Variants in CDH12 observed in about 807,000 individuals in gnomAD.
The protein encoded by CDH12 is cadherin-12.
In CDH12, 41 loss-of-function variants were observed where a neutral mutation model predicts 74.1. The ratio of observed to expected loss-of-function variants is 0.55; its 90% CI spans 0.43 to 0.72. The LOEUF (loss-of-function observed/expected upper bound fraction) is 0.72. CDH12 is among the 30% of genes least tolerant of loss of function. The pLI, the probability that CDH12 is intolerant of heterozygous loss-of-function variation, is 0.00. For missense variants in CDH12, 945 were observed against 977.2 expected (o/e 0.97, Z 0.44); for synonymous variants, 399 against 355.0 (o/e 1.12, Z -1.39).
intron 2 of CDH12, among the ~76,000 whole-genome samples, chr5:22,469,919 C>A (rs1421403256): frequency 6.6e-6 from 1 of 152,158 alleles, no homozygotes; most frequent in Non-Finnish European, 1.5e-5. Context: ...TTCCTCAAAG[C>A]CCTGCAATGT....
At chr5:22,467,901 C>T (rs1436717085) in intron 2 of CDH12, among the ~76,000 whole-genome samples, 8 of 152,182 alleles carry the variant, frequency 5.3e-5, no homozygotes, top group Admixed American at 5.2e-4. Flanking sequence ...CTAAACAAAT[C>T]ATCAAATCAT....
chr5:22,793,030 A>T (rs1201804051), intron 1 of CDH12, among the ~76,000 whole-genome samples: 2 of 152,190 alleles, frequency 1.3e-5, no homozygotes, highest in Admixed American at 1.3e-4. Context: ...GTACCCAGAA[A>T]TGACAAGACA....
chr5:22,342,856 G>A (rs1217460404), intron 3 of CDH12, among the ~76,000 whole-genome samples: 1 of 144,916 alleles, frequency 6.9e-6, no homozygotes, highest in Non-Finnish European at 1.5e-5. Context: ...CTGTCTGTCT[G>A]TCTGTCTGTC....
chr5:22,233,270 A>G (rs1163732702), intron 3 of CDH12, among the ~76,000 whole-genome samples: 4 of 151,784 alleles, frequency 2.6e-5, no homozygotes, highest in Non-Finnish European at 5.9e-5. Context: ...TTTTTCCAAA[A>G]TAAACTGATC....
At chr5:22,668,877 T>C (rs1740761482) in intron 1 of CDH12, among the ~76,000 whole-genome samples, 2 of 152,094 alleles carry the variant, frequency 1.3e-5, no homozygotes, top group Admixed American at 1.3e-4. Context: ...CTCTCCTCTT[T>C]TTTCAACTCC....
At chr5:22,376,339 G>A (rs949702621) in intron 3 of CDH12, among the ~76,000 whole-genome samples, 1 of 151,706 alleles carries the variant, frequency 6.6e-6, no homozygotes, top group Non-Finnish European at 1.5e-5. Context: ...ACTGATTATT[G>A]GGTGCAAACA....
intron 1 of CDH12, among the ~76,000 whole-genome samples, chr5:22,671,299 G>T (rs1740886520): frequency 6.6e-6 from 1 of 152,016 alleles, no homozygotes; most frequent in African/African-American, 2.4e-5. Context: ...AGATCTAACT[G>T]CTTAAATTTT....
intron 6 of CDH12, among the ~76,000 whole-genome samples, chr5:21,957,101 T>C (rs1241332189): frequency 6.6e-6 from 1 of 152,170 alleles, no homozygotes; most frequent in African/African-American, 2.4e-5. Context: ...TGTCTGCTGT[T>C]CCATTCTTTG....
At chr5:22,376,116 G>A (rs1397126285) in intron 3 of CDH12, among the ~76,000 whole-genome samples, 1 of 152,144 alleles carries the variant, frequency 6.6e-6, no homozygotes, top group South Asian at 2.1e-4. Context: ...ATACTATTCT[G>A]CCATAAAAAT....
chr5:22,737,345 A>T (rs1266672965), intron 1 of CDH12, among the ~76,000 whole-genome samples: 2 of 151,974 alleles, frequency 1.3e-5, no homozygotes, highest in South Asian at 2.1e-4. Context: ...AAAATAAATA[A>T]TAATAACAAA....
At position 22,153,889 on chromosome 5, in the gene CDH12, A is replaced by ATATATGTATAT. The variant is rs1561168560; in HGVS notation, c.-187+58608_-187+58609insATATACATATA. 3.8e-4 allele frequency among the ~76,000 whole-genome samples: 16 copies of ATATATGTATAT among 42,072 alleles called. No homozygotes were observed. The South Asian group carries it at 1.0e-2, about 26-fold the overall frequency. The allele number at this position is 42,072 out of a possible 152,430, so 27.6% of individuals were successfully genotyped here. A position where few individuals can be genotyped will look rare whatever the true frequency, so the allele number is the denominator to read the frequency against. On this transcript the variant is annotated intron_variant, in intron 4 of 14. Transcript: ENST00000382254. ...ATATATATGTATATATATATATATA[A>ATATATGTATAT]ATATATATATATATACACACACATA... is the stretch of plus-strand genomic sequence containing the variant.
intron 4 of CDH12, among the ~76,000 whole-genome samples, chr5:22,116,492 C>T (rs1745113123): frequency 6.6e-6 from 1 of 152,106 alleles, no homozygotes; most frequent in Non-Finnish European, 1.5e-5. Context: ...GTAGTCCTAG[C>T]TACTCAGGTG....
At chr5:22,402,449 A>T (rs1165244099) in intron 3 of CDH12, among the ~76,000 whole-genome samples, 4 of 152,222 alleles carry the variant, frequency 2.6e-5, no homozygotes, top group African/African-American at 9.6e-5. Flanking sequence ...CAGATATTTT[A>T]GCTGAATCAT....
intron 1 of CDH12, among the ~76,000 whole-genome samples, chr5:22,804,994 A>G (rs559690003): frequency 6.6e-6 from 1 of 152,312 alleles, no homozygotes; most frequent in East Asian, 1.9e-4. Flanking sequence ...AAATATATCA[A>G]GTATGGGCAA....
chr5:22,806,481 T>C (rs1748814746), intron 1 of CDH12, among the ~76,000 whole-genome samples: 1 of 151,340 alleles, frequency 6.6e-6, no homozygotes, highest in Non-Finnish European at 1.5e-5. Context: ...GCCTCCCGAG[T>C]AGCTGGGACT....
At chr5:22,212,992 A>G (rs1207204948) in intron 3 of CDH12, among the ~76,000 whole-genome samples, 4 of 152,170 alleles carry the variant, frequency 2.6e-5, no homozygotes, top group Non-Finnish European at 5.9e-5. Flanking sequence ...GACTTAAACA[A>G]ATGTGCTTTC....
intron 3 of CDH12, among the ~76,000 whole-genome samples, chr5:22,246,411 T>TA (rs1752946341): frequency 6.6e-6 from 1 of 152,118 alleles, no homozygotes; most frequent in Non-Finnish European, 1.5e-5. Context: ...AACCAAAAAT[T>TA]TCTTAGAAAC....
intron 8 of CDH12, 50 bp from the exon 9 acceptor site, chr5:21,817,182 T>A (rs1748108364): frequency 8.0e-7 from 1 of 1,248,798 alleles, no homozygotes; most frequent in Admixed American, 2.1e-5. Context: ...GTAAGAGATA[T>A]AGTAAGATTA....
chr5:21,991,693 T>C (rs1757762946), intron 5 of CDH12, among the ~76,000 whole-genome samples: 1 of 151,508 alleles, frequency 6.6e-6, no homozygotes, highest in Admixed American at 6.6e-5. Flanking sequence ...ACTGTGGGGA[T>C]TGCTTAGTGT....
Sources: gnomAD v4.1 joint callset for allele counts (sites outside exome capture counted in the v4.1 genomes callset) on GRCh38, gnomAD v4.1.1 for gene constraint, MANE v1.5 for transcripts, NCBI Gene and HGNC (gene_info 2026-07-23, HGNC 2026-07-21) for gene names.